CAMK1D: variants seen among roughly 807,000 people sequenced by gnomAD.
CAMK1D encodes calcium/calmodulin-dependent protein kinase type 1D.
CAMK1D carries 9 observed loss-of-function variants against 47.7 expected under a neutral mutation model. The ratio of observed to expected loss-of-function variants is 0.19; its 90% CI spans 0.11 to 0.33. The LOEUF (loss-of-function observed/expected upper bound fraction) is 0.33. CAMK1D is among the 10% of genes least tolerant of loss of function. CAMK1D has a pLI of 1.00. For missense variants in CAMK1D, 291 were observed against 488.7 expected (o/e 0.60, Z 3.81); for synonymous variants, 184 against 184.9 (o/e 0.99, Z 0.04).
chr10:12,619,055 A>G (rs1838909882), intron 2 of CAMK1D, among the ~76,000 whole-genome samples: 1 of 152,218 alleles, frequency 6.6e-6, no homozygotes, highest in African/African-American at 2.4e-5. Context: ...GTTTTTAAAG[A>G]AGCCATTGAA....
At chr10:12,514,235 G>A (rs1358090691) in intron 1 of CAMK1D, among the ~76,000 whole-genome samples, 4 of 152,174 alleles carry the variant, frequency 2.6e-5, no homozygotes, top group East Asian at 1.9e-4. Flanking sequence ...GATGGAACAC[G>A]TTATAGATTG....
Position 12,819,826 on chromosome 10 carries a change from G to T in CAMK1D, c.833+3498G>T, listed in dbSNP as rs575763713. On this transcript the variant is annotated intron_variant, in intron 8 of 10. Transcript: ENST00000619168. Reference sequence around the variant, plus strand: ...GCTGGCCCAGAGGAGGGTGACAGTGGCCTGCGCGGGGCAGCGTGGCAGGGA... The same window carrying T: ...GCTGGCCCAGAGGAGGGTGACAGTGTCCTGCGCGGGGCAGCGTGGCAGGGA... Among the ~76,000 whole-genome samples, 4 of 152,312 alleles carry T rather than the reference G, an allele frequency of 2.6e-5. No individual in the cohort carries two copies. In the East Asian group the frequency reaches 7.7e-4, roughly 29 times the overall value.
At chr10:12,734,407 C>T (rs1373502708) in intron 3 of CAMK1D, among the ~76,000 whole-genome samples, 26 of 14,124 alleles carry the variant, frequency 1.8e-3, no homozygotes, top group South Asian at 2.3e-3. Context: ...TATATATATA[C>T]ACACACACAC....
intron 1 of CAMK1D, among the ~76,000 whole-genome samples, chr10:12,427,700 G>GTTTTTTTTTTTTTTTTT (rs768000055): frequency 0.021 from 643 of 31,016 alleles, 227 homozygotes; most frequent in Non-Finnish European, 0.025. Flanking sequence ...TGAACTTACT[G>GTTTTTTTTTTTTTTTTT]TTTTTTTTTT....
chr10:12,681,948 G>A lies in CAMK1D; in HGVS notation c.299+15138G>A, dbSNP rs534689971. 2.6e-5 allele frequency among the ~76,000 whole-genome samples: 4 copies of A among 152,334 alleles called. No homozygotes were observed. In the East Asian group the frequency reaches 7.7e-4, roughly 29 times the overall value. ...GTATAAGAGTTAGTTGGCTGGGTGC[G>A]GTGGCTCACGCCTGTAATCCCAGCA... On this transcript the variant is annotated intron_variant, in intron 3 of 10. Transcript: ENST00000619168.
chr10:12,428,094 A>T (rs917585613), intron 1 of CAMK1D, among the ~76,000 whole-genome samples: 1 of 152,110 alleles, frequency 6.6e-6, no homozygotes, highest in Non-Finnish European at 1.5e-5. Context: ...AGGTATTCAC[A>T]TGCCATGGTG....
At chr10:12,803,790 T>A (rs1222302990) in intron 6 of CAMK1D, among the ~76,000 whole-genome samples, 1 of 152,218 alleles carries the variant, frequency 6.6e-6, no homozygotes, top group Non-Finnish European at 1.5e-5. Flanking sequence ...ACTTTCCCTG[T>A]CTCTTAAACA....
intron 1 of CAMK1D, among the ~76,000 whole-genome samples, chr10:12,550,982 C>T (rs1836558275): frequency 6.6e-6 from 1 of 152,174 alleles, no homozygotes; most frequent in African/African-American, 2.4e-5. Flanking sequence ...GTGTGCATTG[C>T]TGTCAGGTGG....
chr10:12,583,602 T>C (rs1426299026), intron 2 of CAMK1D, among the ~76,000 whole-genome samples: 2 of 135,682 alleles, frequency 1.5e-5, no homozygotes. Flanking sequence ...TTGTTGTTGT[T>C]TTATTTTTTT....
At chr10:12,591,716 C>T (rs1235781806) in intron 2 of CAMK1D, among the ~76,000 whole-genome samples, 1 of 152,186 alleles carries the variant, frequency 6.6e-6, no homozygotes, top group Non-Finnish European at 1.5e-5. Context: ...TTTTTTGAGA[C>T]GGAGTCTCGC....
intron 5 of CAMK1D, among the ~76,000 whole-genome samples, chr10:12,771,519 C>T (rs1163984960): frequency 6.6e-6 from 1 of 152,168 alleles, no homozygotes; most frequent in Non-Finnish European, 1.5e-5. Context: ...TGTTCATTTT[C>T]AGAGTAACTC....
intron 1 of CAMK1D, among the ~76,000 whole-genome samples, chr10:12,537,312 T>A (rs1176641080): frequency 1.3e-5 from 2 of 152,232 alleles, no homozygotes; most frequent in African/African-American, 4.8e-5. Context: ...CCTCAAGTGA[T>A]CCGCCTGCCT....
chr10:12,440,286 A>ATT (rs5783268), intron 1 of CAMK1D, among the ~76,000 whole-genome samples: 1 of 135,524 alleles, frequency 7.4e-6, no homozygotes, highest in African/African-American at 2.7e-5. Context: ...GTCTTTTTGG[A>ATT]TTTTTTTTTT....
intron 1 of CAMK1D, among the ~76,000 whole-genome samples, chr10:12,400,252 TG>T (rs779403638): frequency 6.6e-6 from 1 of 152,164 alleles, no homozygotes; most frequent in Non-Finnish European, 1.5e-5. Context: ...CCTAACAGAG[TG>T]GCAACCATTG....
chr10:12,661,649 C>T (rs938672473), intron 2 of CAMK1D, among the ~76,000 whole-genome samples: 1 of 152,222 alleles, frequency 6.6e-6, no homozygotes, highest in African/African-American at 2.4e-5. Flanking sequence ...AGATCTGTGA[C>T]ATCCCAGGGG....
intron 1 of CAMK1D, among the ~76,000 whole-genome samples, chr10:12,448,348 T>A (rs1832983041): frequency 6.9e-6 from 1 of 144,962 alleles, no homozygotes; most frequent in South Asian, 2.3e-4. Context: ...TTACTTTTTG[T>A]ATTTTTATTT....
chr10:12,361,776 G>C (rs1049083798), intron 1 of CAMK1D, among the ~76,000 whole-genome samples: 2 of 151,440 alleles, frequency 1.3e-5, no homozygotes, highest in African/African-American at 2.4e-5. Context: ...GGCTGGTCTC[G>C]ATCTCCTGAC....
At chr10:12,721,204 G>A (rs1056481203) in intron 3 of CAMK1D, among the ~76,000 whole-genome samples, 3 of 152,184 alleles carry the variant, frequency 2.0e-5, no homozygotes, top group Non-Finnish European at 4.4e-5. Flanking sequence ...ATATCCTGTC[G>A]TGGTTCCCCA....
chr10:12,795,612 A>G (rs1187858453), intron 6 of CAMK1D, among the ~76,000 whole-genome samples: 3 of 152,192 alleles, frequency 2.0e-5, no homozygotes, highest in African/African-American at 7.2e-5. Context: ...TCACGCTGAG[A>G]TATCAGACTG....
Sources: allele counts gnomAD v4.1 joint callset (sites outside exome capture counted in the v4.1 genomes callset), GRCh38; gene constraint gnomAD v4.1.1; transcripts MANE v1.5; gene names NCBI Gene and HGNC (gene_info 2026-07-23, HGNC 2026-07-21).